RFFL: variants seen among roughly 807,000 people sequenced by gnomAD.
The protein encoded by RFFL is ring finger and FYVE like domain containing E3 ubiquitin protein ligase, also known as E3 ubiquitin-protein ligase rififylin.
In RFFL, 16 loss-of-function variants were observed where a neutral mutation model predicts 40.4. The observed-to-expected ratio is 0.40, with a 90% CI of 0.27 to 0.60. The LOEUF (loss-of-function observed/expected upper bound fraction) is 0.60, where lower values mean the gene tolerates loss of function less well. Among genes scored for constraint, RFFL ranks in the 20% least tolerant of loss-of-function variants. RFFL has a pLI of 0.47. For missense variants in RFFL, 367 were observed against 451.7 expected (o/e 0.81, Z 1.70); for synonymous variants, 154 against 167.9 (o/e 0.92, Z 0.64).
At chr17:35,060,935 G>A (rs1220602474) in intron 1 of RFFL, among the ~76,000 whole-genome samples, 2 of 152,150 alleles carry the variant, frequency 1.3e-5, no homozygotes, top group African/African-American at 2.4e-5. Flanking sequence ...ATGCATATAT[G>A]AACTAAGTGT....
chr17:35,044,904 C>T (rs1473261244), intron 1 of RFFL, among the ~76,000 whole-genome samples: 5 of 150,406 alleles, frequency 3.3e-5, no homozygotes, highest in African/African-American at 1.2e-4. Context: ...CAGGGTCTCA[C>T]TCTGTCACCC....
chr17:35,027,620 A>C (rs551052649), intron 1 of RFFL, among the ~76,000 whole-genome samples: 7 of 151,450 alleles, frequency 4.6e-5, no homozygotes, highest in Admixed American at 1.3e-4. Flanking sequence ...GCTACTCGGA[A>C]GGCTGAGGCA....
chr17:35,028,410 G>C (rs140099737), intron 1 of RFFL, among the ~76,000 whole-genome samples: 7 of 152,072 alleles, frequency 4.6e-5, no homozygotes, highest in African/African-American at 1.7e-4. Flanking sequence ...GGGGACAAAG[G>C]GCTGATGATT....
intron 1 of RFFL, among the ~76,000 whole-genome samples, chr17:35,047,439 T>C (rs1002742469): frequency 6.6e-6 from 1 of 152,214 alleles, no homozygotes; most frequent in African/African-American, 2.4e-5. Context: ...AAATAACGCA[T>C]GTCAAAGCAT....
intron 1 of RFFL, among the ~76,000 whole-genome samples, chr17:35,086,386 G>A (rs1032452520): frequency 6.6e-6 from 1 of 151,782 alleles, no homozygotes; most frequent in East Asian, 1.9e-4. Flanking sequence ...CTTGGGAGGC[G>A]AGGATTGCGT....
At chr17:35,060,753 G>T (rs2091286584) in intron 1 of RFFL, among the ~76,000 whole-genome samples, 1 of 152,122 alleles carries the variant, frequency 6.6e-6, no homozygotes, top group African/African-American at 2.4e-5. Flanking sequence ...TAACAAAAAA[G>T]CTTCTAATAT....
intron 6 of RFFL, 60 bp from the exon 7 acceptor site, chr17:35,012,209 G>A (rs2090945330): frequency 3.4e-6 from 5 of 1,459,904 alleles, no homozygotes; most frequent in Non-Finnish European, 4.7e-6. Flanking sequence ...TGTCTTAAGT[G>A]TATAGGGGTG....
intron 1 of RFFL, among the ~76,000 whole-genome samples, chr17:35,049,271 G>T (rs1451170764): frequency 2.0e-5 from 3 of 152,044 alleles, no homozygotes; most frequent in African/African-American, 7.3e-5. Context: ...AAGGACAGAT[G>T]ATTTTCTCTG....
intron 2 of RFFL, among the ~76,000 whole-genome samples, chr17:35,024,294 A>G (rs2142325304): frequency 6.6e-6 from 1 of 152,268 alleles, no homozygotes; most frequent in South Asian, 2.1e-4. Flanking sequence ...AAACCTTAGC[A>G]CAAAGTGGAT....
chr17:35,071,747 T>C (rs184964260), intron 1 of RFFL, among the ~76,000 whole-genome samples: 131 of 152,250 alleles, frequency 8.6e-4, no homozygotes, highest in Non-Finnish European at 1.5e-3. Context: ...TACAATCACC[T>C]GTACACAAAT....
rs1276429641 is a variant in RFFL at position 35,021,561 on chromosome 17, A to G, written c.401T>C (p.Leu134Pro). Reference sequence around the variant, plus strand: ...CTGGGAGATTACAGGCTGCTGGCCAAGGACCAAGAGCACCAGCTCTTCTTT... The same window carrying G: ...CTGGGAGATTACAGGCTGCTGGCCAGGGACCAAGAGCACCAGCTCTTCTTT... ...REKEELVLLV[L>P]GQQPVISQED... is the part of the protein sequence containing the mutation. The change falls in exon 3 of 7, where the codon CTT becomes CCT. Residue 134 changes from leucine (L) to proline (P), a missense_variant. Transcript: ENST00000394597. 1 of 1,614,164 alleles carries G rather than the reference A, an allele frequency of 6.2e-7. No individual in the cohort carries two copies. The highest frequency in any genetic ancestry group is 1.1e-5 in the South Asian group (1 of 91,084).
intron 1 of RFFL, among the ~76,000 whole-genome samples, chr17:35,045,757 C>T (rs890973225): frequency 7.9e-5 from 12 of 152,024 alleles, no homozygotes; most frequent in Admixed American, 3.3e-4. Context: ...GGCACAGTGG[C>T]TCACGCCTGT....
chr17:35,087,232 T>C (rs558918046), intron 1 of RFFL, among the ~76,000 whole-genome samples: 9 of 151,686 alleles, frequency 5.9e-5, no homozygotes, highest in African/African-American at 2.2e-4. Flanking sequence ...ATGCCTGAGG[T>C]CCCAGCTACT....
chr17:35,021,867 C>G (rs2091011427), intron 2 of RFFL, 86 bp from the exon 3 acceptor site: 1 of 1,282,664 alleles, frequency 7.8e-7, no homozygotes. Flanking sequence ...GCTGCCAAGC[C>G]CAGCAGGATC....
intron 1 of RFFL, among the ~76,000 whole-genome samples, chr17:35,057,072 T>C (rs1042522756): frequency 6.6e-6 from 1 of 152,064 alleles, no homozygotes; most frequent in Non-Finnish European, 1.5e-5. Flanking sequence ...TAAGCCACCA[T>C]GCCTGGCTAA....
intron 2 of RFFL, among the ~76,000 whole-genome samples, chr17:35,023,563 G>T (rs2091022554): frequency 6.6e-6 from 1 of 152,214 alleles, no homozygotes; most frequent in Non-Finnish European, 1.5e-5. Context: ...GGTATTTGGG[G>T]TTCATTCACA....
At chr17:35,062,881 C>A (rs1286239908) in intron 1 of RFFL, among the ~76,000 whole-genome samples, 1 of 152,048 alleles carries the variant, frequency 6.6e-6, no homozygotes, top group Non-Finnish European at 1.5e-5. Flanking sequence ...GAGGGAGGTT[C>A]TTCCTATTAA....
rs569200471 is a variant in RFFL, at chr17:35,043,409, C to T, written c.-8-16848G>A. 2.0e-5 allele frequency among the ~76,000 whole-genome samples: 3 copies of T among 152,294 alleles called. No homozygotes were observed. In the East Asian group the frequency reaches 5.8e-4, roughly 29 times the overall value. ...ATCAAGAGCAGAGGGCAGTGTTAGA[C>T]ATTCAGTAAATAGCCGTCATTATAA... On this transcript the variant is annotated intron_variant, in intron 1 of 6. Coordinates refer to ENST00000394597, the MANE Select transcript of RFFL (RefSeq NM_001017368.2).
chr17:35,044,516 T>A (rs2091185830), intron 1 of RFFL, among the ~76,000 whole-genome samples: 2 of 152,178 alleles, frequency 1.3e-5, no homozygotes, highest in Admixed American at 6.5e-5. Flanking sequence ...GCACGGAGGC[T>A]GAGGCAGGAG....
Sources: gnomAD v4.1 joint callset for allele counts (sites outside exome capture counted in the v4.1 genomes callset) on GRCh38, gnomAD v4.1.1 for gene constraint, MANE v1.5 for transcripts, NCBI Gene and HGNC (gene_info 2026-07-23, HGNC 2026-07-21) for gene names.